Variants in LMX1B observed in about 807,000 individuals in gnomAD.
The protein encoded by LMX1B is LIM homeobox transcription factor 1 beta.
A neutral mutation model predicts 51.4 loss-of-function variants in LMX1B; 12 were observed. The observed-to-expected ratio is 0.23, with a 90% CI of 0.15 to 0.38. The LOEUF is 0.38. Ranked by LOEUF, LMX1B falls within the 10% of genes least tolerant of loss-of-function variation. LMX1B has a pLI of 1.00. For missense variants in LMX1B, 445 were observed against 571.1 expected, an observed-to-expected ratio of 0.78 and a Z score of 2.25; for synonymous variants, 237 against 235.4, an observed-to-expected ratio of 1.01 and a Z score of -0.06.
chr9:126,686,193 C>T (rs1028942166), intron 2 of LMX1B, among the ~76,000 whole-genome samples: 4 of 149,996 alleles, frequency 2.7e-5, no homozygotes, highest in Non-Finnish European at 4.4e-5. Context: ...GGCAGGAGAA[C>T]AGCGTGAACC....
chr9:126,620,265 A>G (rs1220291468), intron 2 of LMX1B, among the ~76,000 whole-genome samples: 2 of 152,148 alleles, frequency 1.3e-5, no homozygotes, highest in African/African-American at 4.8e-5. Flanking sequence ...TTCCTCAGCC[A>G]TGAAAAGAGC....
chr9:126,681,654 A>C (rs1588299411), intron 2 of LMX1B, among the ~76,000 whole-genome samples: 1 of 152,038 alleles, frequency 6.6e-6, no homozygotes, highest in East Asian at 1.9e-4. Flanking sequence ...TAATTCCAAC[A>C]CTTTGGGAGG....
chr9:126,632,372 A>C (rs1255233430), intron 2 of LMX1B, among the ~76,000 whole-genome samples: 1 of 151,930 alleles, frequency 6.6e-6, no homozygotes, highest in Non-Finnish European at 1.5e-5. Context: ...TGGCAGCAGG[A>C]ATATTGGGGG....
intron 2 of LMX1B, 101 bp from the exon 3 acceptor site, chr9:126,690,735 G>GC (rs903928913): frequency 2.0e-6 from 2 of 1,009,612 alleles, no homozygotes; most frequent in African/African-American, 3.2e-5. Flanking sequence ...TCCCACCTGG[G>GC]CCTGAGGGTC....
At chr9:126,639,570 A>G (rs1051559515) in intron 2 of LMX1B, among the ~76,000 whole-genome samples, 2 of 152,234 alleles carry the variant, frequency 1.3e-5, no homozygotes, top group Admixed American at 6.5e-5. Flanking sequence ...GTGAAAGCTA[A>G]TAACACACGC....
rs1047477573 is a variant in LMX1B at position 126,698,505 on chromosome 9, A to G, written c.*2054A>G. 6 of 152,258 alleles carry G rather than the reference A, an allele frequency of 3.9e-5. No individual in the cohort carries two copies. The highest frequency in any genetic ancestry group is 2.0e-4 in the Admixed American group (3 of 15,278). The allele number at this position is 152,258 out of a possible 1,614,324, so 9.4% of individuals were successfully genotyped here. On this transcript the variant is annotated 3_prime_UTR_variant, in exon 8 of 8. Coordinates refer to ENST00000373474, the MANE Select transcript of LMX1B (RefSeq NM_001174147.2). Reference sequence around the variant, plus strand: ...GCTGGAAGTCAGGTGCACTAGATCCATCCCCAGCCCCAGTCTGCTCAACTC... The same window carrying G: ...GCTGGAAGTCAGGTGCACTAGATCCGTCCCCAGCCCCAGTCTGCTCAACTC...
At chr9:126,616,410 T>C (rs1343798936) in intron 2 of LMX1B, among the ~76,000 whole-genome samples, 2 of 152,024 alleles carry the variant, frequency 1.3e-5, no homozygotes, top group Non-Finnish European at 2.9e-5. Context: ...ATGGCCGGGG[T>C]TGGGGACAGA....
chr9:126,693,449 A>G (rs1175888371), intron 4 of LMX1B, 75 bp from the exon 5 acceptor site: 1 of 1,566,342 alleles, frequency 6.4e-7, no homozygotes. Flanking sequence ...CGCACATCCC[A>G]TCATACCCCT....
chr9:126,653,679 G>A (rs957937735), intron 2 of LMX1B, among the ~76,000 whole-genome samples: 4 of 152,054 alleles, frequency 2.6e-5, no homozygotes, highest in Admixed American at 6.6e-5. Context: ...TATCACATGC[G>A]AACGTTCCCG....
chr9:126,619,034 G>A (rs1564145049), intron 2 of LMX1B, among the ~76,000 whole-genome samples: 1 of 152,138 alleles, frequency 6.6e-6, no homozygotes, highest in Non-Finnish European at 1.5e-5. Context: ...ACAGACTTCA[G>A]GGCTCCGCCG....
At chr9:126,627,254 T>C (rs1228641597) in intron 2 of LMX1B, among the ~76,000 whole-genome samples, 1 of 151,922 alleles carries the variant, frequency 6.6e-6, no homozygotes, top group African/African-American at 2.4e-5. Context: ...TCATCCACGA[T>C]ATAGTGCCCC....
rs1293338287 is a variant in LMX1B, at chr9:126,699,746, C to G, written c.*3295C>G. On this transcript the variant is annotated 3_prime_UTR_variant, in exon 8 of 8. Transcript: ENST00000373474. ...CGTTTCTCAGATGAGGAGCCTGAGG[C>G]TCAGAGAAGGGAGGCGATGTGTTCA... 6.6e-6 allele frequency: 1 copy of G among 152,248 alleles called. No individual in the cohort carries two copies. Among genetic ancestry groups the G allele is most frequent in the Non-Finnish European group, 1.5e-5 (1 of 68,102 alleles). The allele number at this position is 152,248 out of a possible 1,614,324, so 9.4% of individuals were successfully genotyped here.
chr9:126,675,553 C>T (rs1282220702), intron 2 of LMX1B, among the ~76,000 whole-genome samples: 4 of 150,498 alleles, frequency 2.7e-5, no homozygotes, highest in East Asian at 2.0e-4. Flanking sequence ...GGTGAAACCC[C>T]GTCTCTATTA....
intron 2 of LMX1B, among the ~76,000 whole-genome samples, chr9:126,620,768 G>T (rs1006383765): frequency 6.6e-6 from 1 of 152,094 alleles, no homozygotes; most frequent in Non-Finnish European, 1.5e-5. Context: ...ATTTCCACCG[G>T]GAAACAATTG....
In LMX1B at chr9:126,696,016, A is replaced by ACGGGGGGGCCCCCCC; in HGVS notation, c.1051+14_1051+15insGGGGGGGCCCCCCCC. 2 of 1,512,700 alleles carry ACGGGGGGGCCCCCCC rather than the reference A, an allele frequency of 1.3e-6. No individual in the cohort carries two copies. Among genetic ancestry groups the ACGGGGGGGCCCCCCC allele is most frequent in the Non-Finnish European group, 8.8e-7 (1 of 1,131,796 alleles). 93.7% of individuals were successfully genotyped at this position (1,512,700 alleles called of 1,614,324 possible). On this transcript the variant is annotated intron_variant, in intron 7 of 7. Transcript: ENST00000373474. ...ATGAACCCCTATGGTAAGCCGCCCT[A>ACGGGGGGGCCCCCCC]CCCCCACCCGCCCGCCCCAGCACAG...
intron 2 of LMX1B, among the ~76,000 whole-genome samples, chr9:126,630,724 A>G (rs1445250488): frequency 2.0e-5 from 3 of 152,256 alleles, no homozygotes; most frequent in East Asian, 3.9e-4. Context: ...ATATATAGTG[A>G]AAGCAGCGAG....
intron 2 of LMX1B, among the ~76,000 whole-genome samples, chr9:126,657,421 G>A (rs899910912): frequency 1.3e-5 from 2 of 152,210 alleles, no homozygotes; most frequent in African/African-American, 4.8e-5. Flanking sequence ...TTCTCTGCAA[G>A]CAGAACTCTG....
At position 126,671,394 on chromosome 9, in the gene LMX1B, G is replaced by T. The variant is rs1836447682; in HGVS notation, c.327-19442G>T. Among the ~76,000 whole-genome samples the T allele has an allele frequency of 1.3e-5, 2 of 151,728 alleles. No individual in the cohort carries two copies. The highest frequency in any genetic ancestry group is 6.6e-5 in the Admixed American group (1 of 15,260). On this transcript the variant is annotated intron_variant, in intron 2 of 7. Coordinates refer to ENST00000373474, the MANE Select transcript of LMX1B (RefSeq NM_001174147.2). This position sits in a 1 kb window ranked among gnomAD's most constrained non-coding sequence, Gnocchi z 4.4. The stretch of plus-strand genomic sequence containing the variant: ...CTCCCCTCCCAGCAGCTGGGCCCGG[G>T]CTCAGCTGGGGCCCCTGGCCTGGCC...
chr9:126,623,985 G>A (rs1036794052), intron 2 of LMX1B, among the ~76,000 whole-genome samples: 1 of 152,210 alleles, frequency 6.6e-6, no homozygotes, highest in Non-Finnish European at 1.5e-5. Context: ...CCTGGGCTCC[G>A]CAGCCGAGCC....
Sources: gnomAD v4.1 joint callset for allele counts (sites outside exome capture counted in the v4.1 genomes callset) on GRCh38, gnomAD v4.1.1 for gene constraint, Gnocchi (gnomAD v3.1) non-coding constraint, MANE v1.5 for transcripts, NCBI Gene and HGNC (gene_info 2026-07-23, HGNC 2026-07-21) for gene names.